The following SNRPN variants were observed in gnomAD, a reference collection of about 807,000 sequenced individuals.
SNRPN encodes small nuclear ribonucleoprotein-associated protein N.
A neutral mutation model predicts 25.2 loss-of-function variants in SNRPN; 7 were observed. The observed-to-expected ratio is 0.28, with a 90% CI of 0.16 to 0.52. The LOEUF is 0.52. Among genes scored for constraint, SNRPN ranks in the 20% least tolerant of loss-of-function variants. The pLI, the probability that SNRPN is intolerant of heterozygous loss-of-function variation, is 0.96. For synonymous variants in SNRPN, 124 were observed against 110.6 expected, an observed-to-expected ratio of 1.12 and a Z score of -0.76; for missense variants, 196 against 322.5, an observed-to-expected ratio of 0.61 and a Z score of 3.00.
At chr15:24,874,380 G>A (rs1183003713) in intron 1 of SNRPN, among the ~76,000 whole-genome samples, 1 of 150,718 alleles carries the variant, frequency 6.6e-6, no homozygotes, top group African/African-American at 2.4e-5. Context: ...TCTGGAGTAG[G>A]AGTGACCAAT....
upstream of SNRPN, chr15:24,954,960 G>C (rs950910613): frequency 2.2e-5 from 35 of 1,584,216 alleles, no homozygotes; most frequent in Non-Finnish European, 3.0e-5. Context: ...TGTGTGCGAA[G>C]CCTGCCGCTG....
Position 24,978,320 on chromosome 15 carries a change from T to C in SNRPN, c.685+2T>C, listed in dbSNP as rs1396752450. On this transcript the variant is annotated splice_donor_variant, in intron 9 of 9. Transcript: ENST00000390687. LOFTEE classifies it high-confidence loss of function. ...GACCCCCTCCACCAGGCATTAGAGG[T>C]GAGTGGGAGCATAGGGGTTTGATGG... 1 of 1,614,012 alleles carries C rather than the reference T, an allele frequency of 6.2e-7. No individual in the cohort carries two copies. Among genetic ancestry groups the C allele is most frequent in the East Asian group, 2.2e-5 (1 of 44,848 alleles).
intron 3 of SNRPN, among the ~76,000 whole-genome samples, chr15:24,925,036 T>C (rs1012617673): frequency 6.6e-6 from 1 of 152,154 alleles, no homozygotes; most frequent in African/African-American, 2.4e-5. Context: ...TAGTATAAAC[T>C]CTCTATTGGA....
intron 2 of SNRPN, among the ~76,000 whole-genome samples, chr15:24,847,359 G>A (rs560523385): frequency 9.2e-5 from 14 of 152,284 alleles, no homozygotes; most frequent in African/African-American, 3.4e-4. Flanking sequence ...CTAAAATATT[G>A]GCCGGGCACT....
chr15:24,878,354 G>A (rs557188440), intron 1 of SNRPN, among the ~76,000 whole-genome samples: 5 of 152,190 alleles, frequency 3.3e-5, no homozygotes, highest in African/African-American at 1.2e-4. Flanking sequence ...CGACAAACCC[G>A]CAGTGCGCTA....
In SNRPN at chr15:24,909,843, C is replaced by T. The variant is rs183530784; in HGVS notation, c.-504-10168C>T. On this transcript the variant is annotated intron_variant, in intron 2 of 11. Coordinates refer to the SNRPN transcript ENST00000400097. ...AACCCCATCCTGCAGAACAGAGACC[C>T]GCGTCCACAGCTCAACAGAGACCAG... The T allele has an allele frequency of 3.3e-5, 32 of 970,160 alleles. No individual in the cohort carries two copies. In the Admixed American group the frequency reaches 4.3e-4, roughly 13 times the overall value. The allele number at this position is 970,160 out of a possible 1,614,324, so 60.1% of individuals were successfully genotyped here.
At chr15:24,925,736 G>T (rs1056592353) in intron 3 of SNRPN, among the ~76,000 whole-genome samples, 8 of 109,050 alleles carry the variant, frequency 7.3e-5, no homozygotes, top group African/African-American at 2.9e-4. Flanking sequence ...ATACCACCAT[G>T]CCCAGCTAAT....
chr15:24,846,594 T>C (rs1375980561), intron 2 of SNRPN, among the ~76,000 whole-genome samples: 1 of 152,154 alleles, frequency 6.6e-6, no homozygotes, highest in Non-Finnish European at 1.5e-5. Context: ...TAATTTATGA[T>C]TGAATAAAGT....
intron 3 of SNRPN, among the ~76,000 whole-genome samples, chr15:24,934,348 T>TA (rs1437144065): frequency 1.3e-5 from 2 of 151,624 alleles, no homozygotes; most frequent in Admixed American, 6.6e-5. Flanking sequence ...TAGCATTTAA[T>TA]AAAAATTATA....
chr15:24,930,307 T>A (rs1215208951), intron 3 of SNRPN, among the ~76,000 whole-genome samples: 4 of 151,632 alleles, frequency 2.6e-5, no homozygotes, highest in Middle Eastern at 3.4e-3. Flanking sequence ...TTTCTTTTTA[T>A]TTCAATGATG....
At chr15:24,918,204 C>A (rs529330122) in intron 2 of SNRPN, among the ~76,000 whole-genome samples, 1 of 151,340 alleles carries the variant, frequency 6.6e-6, no homozygotes, top group East Asian at 1.9e-4. Context: ...CAAAATATCT[C>A]TAATGGACAG....
chr15:24,945,679 T>G (rs2061840683), intron 3 of SNRPN, among the ~76,000 whole-genome samples: 3 of 152,196 alleles, frequency 2.0e-5, no homozygotes, highest in Admixed American at 2.0e-4. Flanking sequence ...GCTTTTTATT[T>G]TGTTGCTTGT....
In SNRPN at chr15:24,927,428, C is replaced by T. The variant is rs1278904064; in HGVS notation, c.-391+7304C>T. 3.4e-5 allele frequency among the ~76,000 whole-genome samples: 5 copies of T among 146,376 alleles called. No individual in the cohort carries two copies. The East Asian group carries it at 1.1e-3, about 31-fold the overall frequency. On this transcript the variant is annotated intron_variant, in intron 3 of 11. Coordinates refer to the SNRPN transcript ENST00000400097. ...TGAGCCACCAAGCCTGGCCTCCTTT[C>T]CCTCTTTTTTTTCTCCCTCTGTTTC...
chr15:24,855,791 C>CA (rs56081812), upstream of SNRPN, among the ~76,000 whole-genome samples: 9,402 of 71,458 alleles, frequency 0.13, 495 homozygotes, highest in Middle Eastern at 0.18. Context: ...GAATCTGTCT[C>CA]AAAAAAAAAA....
intron 1 of SNRPN, among the ~76,000 whole-genome samples, chr15:24,880,347 C>T (rs1042120633): frequency 6.6e-6 from 1 of 152,030 alleles, no homozygotes; most frequent in Non-Finnish European, 1.5e-5. Flanking sequence ...TCTTGAGTTC[C>T]GTTTTCAATC....
intron 2 of SNRPN, chr15:24,848,228 C>CGGCGGGGGCG (rs1159549164): frequency 4.7e-5 from 1 of 21,442 alleles, no homozygotes; most frequent in Non-Finnish European, 9.8e-5. Context: ...GCGGGGGCGG[C>CGGCGGGGGCG]GGTGGGGGCG....
At chr15:24,939,671 G>A (rs2061430295) in intron 3 of SNRPN, among the ~76,000 whole-genome samples, 1 of 151,740 alleles carries the variant, frequency 6.6e-6, no homozygotes, top group Non-Finnish European at 1.5e-5. Flanking sequence ...GACTTCGAAT[G>A]ATCCACCCAC....
At chr15:24,955,096 G>C (rs372122281) in intron 1 of SNRPN, 34 bp downstream of exon 1, 67 of 1,613,388 alleles carry the variant, frequency 4.2e-5, no homozygotes, top group Non-Finnish European at 5.3e-5. Context: ...TCAAGAGACA[G>C]CCTGGGGAGC....
intron 3 of SNRPN, among the ~76,000 whole-genome samples, chr15:24,948,228 C>T (rs1407087605): frequency 6.6e-6 from 1 of 152,114 alleles, no homozygotes; most frequent in Non-Finnish European, 1.5e-5. Context: ...ATTCTCCTGC[C>T]TCAGCCTCCT....
Sources: gnomAD v4.1 joint callset for allele counts (sites outside exome capture counted in the v4.1 genomes callset) on GRCh38, gnomAD v4.1.1 for gene constraint, MANE v1.5 for transcripts, NCBI Gene and HGNC (gene_info 2026-07-23, HGNC 2026-07-21) for gene names.